RASA3: variants seen among roughly 807,000 people sequenced by gnomAD.
RASA3 encodes ras GTPase-activating protein 3.
RASA3 carries 73 observed loss-of-function variants against 110.0 expected under a neutral mutation model. That is an observed-to-expected ratio of 0.66 (90% CI 0.55 to 0.81). The LOEUF is 0.81. Among genes scored for constraint, RASA3 ranks in the 30% least tolerant of loss-of-function variants. The pLI, the probability that RASA3 is intolerant of heterozygous loss-of-function variation, is 0.00. For synonymous variants in RASA3, 500 were observed against 451.4 expected (o/e 1.11, Z -1.37); for missense variants, 976 against 1,113.2 (o/e 0.88, Z 1.75).
At chr13:113,981,306 G>A (rs2052927640) in intron 23 of RASA3, among the ~76,000 whole-genome samples, 1 of 152,236 alleles carries the variant, frequency 6.6e-6, no homozygotes, top group Admixed American at 6.5e-5. Context: ...CACCATGGGT[G>A]GCCTGGAGAG....
chr13:114,059,811 GCTCT>G (rs376873494), intron 2 of RASA3, among the ~76,000 whole-genome samples: 1 of 152,184 alleles, frequency 6.6e-6, no homozygotes, highest in Non-Finnish European at 1.5e-5. Context: ...AAACCACAGC[GCTCT>G]CTCTCTCCAT....
At chr13:114,058,137 C>T (rs143431548) in intron 2 of RASA3, among the ~76,000 whole-genome samples, 36 of 152,246 alleles carry the variant, frequency 2.4e-4, no homozygotes, top group African/African-American at 7.0e-4. Context: ...GGGCGAGGAC[C>T]GGGATCATCA....
intron 1 of RASA3, among the ~76,000 whole-genome samples, chr13:114,090,946 G>A (rs7986642): frequency 0.084 from 12,805 of 152,112 alleles, 861 homozygotes; most frequent in East Asian, 0.19. Flanking sequence ...ATATATGTAT[G>A]TTTTTTGGTG....
intron 21 of RASA3, among the ~76,000 whole-genome samples, chr13:113,995,175 G>C (rs2053203350): frequency 1.3e-5 from 2 of 152,244 alleles, no homozygotes; most frequent in Non-Finnish European, 1.5e-5. Context: ...TCCTGGGACT[G>C]TGTTCCCTGC....
chr13:114,063,381 CAAATAT>C lies in RASA3; in HGVS notation c.173+10333_173+10338del, dbSNP rs201512577. On this transcript the variant is annotated intron_variant, in intron 2 of 23. Transcript: ENST00000334062. The stretch of plus-strand genomic sequence containing the variant: ...TAACATAAATACAATATTTATAATA[CAAATAT>C]AAGTATATTCATACTATAATGACTC... 4.7e-5 allele frequency among the ~76,000 whole-genome samples: 7 copies of C among 148,576 alleles called. No individual in the cohort carries two copies. The East Asian group carries it at 1.4e-3, about 29-fold the overall frequency.
intron 19 of RASA3, 128 bp downstream of exon 19, chr13:114,000,698 C>A: frequency 1.4e-6 from 1 of 708,196 alleles, no homozygotes. Context: ...TCTGGGTCAC[C>A]GCGGCCCCGG....
rs1235513646 is a variant in RASA3, at chr13:114,011,117, G to A, written c.1590+54C>T. 6.8e-7 allele frequency: 1 copy of A among 1,465,234 alleles called. No homozygotes were observed. Among genetic ancestry groups the A allele is most frequent in the Admixed American group, 1.8e-5 (1 of 55,860 alleles). The allele number at this position is 1,465,234 out of a possible 1,614,324, so 90.8% of individuals were successfully genotyped here. On this transcript the variant is annotated intron_variant, in intron 16 of 23. Coordinates refer to ENST00000334062, the MANE Select transcript of RASA3 (RefSeq NM_007368.4). The surrounding 1 kb of genome is among the most constrained non-coding windows in gnomAD (Gnocchi z 4.8). ...AGGTTTTTCACGTGTATTTTCTGAAGAGAGAAAAGAATCAGTTGTCCCTAA... is the reference window on the plus strand; with the variant it reads ...AGGTTTTTCACGTGTATTTTCTGAAAAGAGAAAAGAATCAGTTGTCCCTAA...
At chr13:114,007,493 T>TCC (rs1169429380) in intron 18 of RASA3, 40 bp downstream of exon 18, 2 of 1,422,346 alleles carry the variant, frequency 1.4e-6, no homozygotes, top group Non-Finnish European at 1.9e-6. Context: ...CTTACCCTTC[T>TCC]CCCCTCCTGC....
intron 3 of RASA3, among the ~76,000 whole-genome samples, chr13:114,042,187 C>T (rs1458707490): frequency 2.0e-5 from 3 of 152,260 alleles, no homozygotes. Context: ...CCCATCCCAT[C>T]CCCGGCAGGA....
At chr13:114,100,829 G>C (rs986428357) in intron 1 of RASA3, among the ~76,000 whole-genome samples, 1 of 152,260 alleles carries the variant, frequency 6.6e-6, no homozygotes, top group African/African-American at 2.4e-5. Context: ...CCATGCGTCT[G>C]TGTTCTCGCC....
chr13:114,115,195 T>C lies in RASA3; in HGVS notation c.55+17240A>G, dbSNP rs561202988. Among the ~76,000 whole-genome samples, 1 of 152,328 alleles carries C rather than the reference T, an allele frequency of 6.6e-6. No homozygotes were observed. Among genetic ancestry groups the C allele is most frequent in the South Asian group, 2.1e-4 (1 of 4,824 alleles). ...ATGGGGGGCTTTGTGTGTGGTGTCATCGGCAGCTTCCATTATGTCCAGCGG... is the reference window on the plus strand; with the variant it reads ...ATGGGGGGCTTTGTGTGTGGTGTCACCGGCAGCTTCCATTATGTCCAGCGG... On this transcript the variant is annotated intron_variant, in intron 1 of 23. Transcript: ENST00000334062. The surrounding 1 kb of genome is among the most constrained non-coding windows in gnomAD (Gnocchi z 5.0).
chr13:114,082,984 GACAA>G (rs894962247), intron 1 of RASA3, among the ~76,000 whole-genome samples: 19 of 152,328 alleles, frequency 1.2e-4, no homozygotes, highest in Admixed American at 2.6e-4. Context: ...ACCAGGATTT[GACAA>G]ACAGAGGCAA....
At chr13:114,092,049 A>AT (rs1388654544) in intron 1 of RASA3, among the ~76,000 whole-genome samples, 1 of 150,446 alleles carries the variant, frequency 6.6e-6, no homozygotes, top group African/African-American at 2.4e-5. Flanking sequence ...GATTTTATTT[A>AT]TTGGGGTCTT....
In RASA3 at chr13:114,114,660, T is replaced by G. The variant is rs1277413489; in HGVS notation, c.55+17775A>C. ...TATTTAATTGACTCGTAAAAGCAACTTGTTTTTCTTCATCCTTCGCCGACC... is the reference window on the plus strand; with the variant it reads ...TATTTAATTGACTCGTAAAAGCAACGTGTTTTTCTTCATCCTTCGCCGACC... On this transcript the variant is annotated intron_variant, in intron 1 of 23. Coordinates refer to ENST00000334062, the MANE Select transcript of RASA3 (RefSeq NM_007368.4). This position sits in a 1 kb window ranked among gnomAD's most constrained non-coding sequence, Gnocchi z 4.8. 6.6e-6 allele frequency among the ~76,000 whole-genome samples: 1 copy of G among 152,222 alleles called. No individual in the cohort carries two copies. The highest frequency in any genetic ancestry group is 2.4e-5 in the African/African-American group (1 of 41,448).
intron 1 of RASA3, among the ~76,000 whole-genome samples, chr13:114,094,579 C>G (rs968400857): frequency 1.1e-4 from 16 of 152,054 alleles, no homozygotes; most frequent in African/African-American, 3.6e-4. Context: ...TCTTAAAATG[C>G]TGAATTTCAT....
At chr13:114,128,706 C>T (rs534320252) in intron 1 of RASA3, among the ~76,000 whole-genome samples, 2 of 152,394 alleles carry the variant, frequency 1.3e-5, no homozygotes, top group East Asian at 3.9e-4. Flanking sequence ...CACGGACAAG[C>T]TCCAGCCTCA....
chr13:114,050,939 C>T (rs965909124), intron 3 of RASA3, among the ~76,000 whole-genome samples: 7 of 152,174 alleles, frequency 4.6e-5, no homozygotes, highest in East Asian at 1.9e-4. Context: ...GGAACAGGGA[C>T]GATGAAGAAA....
chr13:114,088,554 A>AT (rs774913747), intron 1 of RASA3, among the ~76,000 whole-genome samples: 2,427 of 20,244 alleles, frequency 0.12, 69 homozygotes, highest in African/African-American at 0.19. Context: ...TCCCAAATTA[A>AT]TTTTTTTTTT....
At chr13:114,088,806 T>G (rs372051944) in intron 1 of RASA3, among the ~76,000 whole-genome samples, 2 of 152,180 alleles carry the variant, frequency 1.3e-5, no homozygotes, top group East Asian at 1.9e-4. Flanking sequence ...CGCCTTGGCC[T>G]CCCAAAGTGC....
Sources: allele counts gnomAD v4.1 joint callset (sites outside exome capture counted in the v4.1 genomes callset), GRCh38; gene constraint gnomAD v4.1.1; non-coding constraint Gnocchi (gnomAD v3.1); transcripts MANE v1.5; gene names NCBI Gene and HGNC (gene_info 2026-07-23, HGNC 2026-07-21).